Variants in SLC1A2 observed in about 807,000 individuals in gnomAD.
SLC1A2 encodes the protein solute carrier family 1 member 2.
A neutral mutation model predicts 48.8 loss-of-function variants in SLC1A2; 15 were observed. The observed-to-expected ratio is 0.31, with a 90% CI of 0.21 to 0.47. The LOEUF is 0.47. Ranked by LOEUF, SLC1A2 falls within the 20% of genes least tolerant of loss-of-function variation. The pLI, the probability that SLC1A2 is intolerant of heterozygous loss-of-function variation, is 0.99. For synonymous variants in SLC1A2, 279 were observed against 272.6 expected (o/e 1.02, Z -0.23); for missense variants, 502 against 730.5 (o/e 0.69, Z 3.61).
chr11:35,415,325 T>A (rs1178410785), intron 1 of SLC1A2, among the ~76,000 whole-genome samples: 1 of 152,232 alleles, frequency 6.6e-6, no homozygotes, highest in African/African-American at 2.4e-5. Flanking sequence ...TCATCTGGAT[T>A]TAGAAATTAT....
intron 1 of SLC1A2, among the ~76,000 whole-genome samples, chr11:35,372,887 G>A (rs574869749): frequency 6.7e-4 from 102 of 152,148 alleles, no homozygotes; most frequent in Non-Finnish European, 1.0e-3. Flanking sequence ...AGTTTGTGAG[G>A]TTGGTATTTT....
chr11:35,391,580 C>G (rs1182954997), intron 1 of SLC1A2: 2 of 152,362 alleles, frequency 1.3e-5, no homozygotes, highest in Admixed American at 1.3e-4. Context: ...GCAGGGAGAA[C>G]CAATCAGCCC....
intron 6 of SLC1A2, among the ~76,000 whole-genome samples, chr11:35,294,751 G>A (rs1851118814): frequency 1.3e-5 from 2 of 152,182 alleles, no homozygotes; most frequent in Admixed American, 1.3e-4. Context: ...GAGTCTCCTG[G>A]AGAATGCATT....
At chr11:35,418,847 C>G (rs41282922) in intron 1 of SLC1A2, 103 bp downstream of exon 1, 13,721 of 1,073,470 alleles carry the variant, frequency 0.013, 186 homozygotes, top group Admixed American at 0.048. Flanking sequence ...CCACCACCTC[C>G]GAGGCCCGCC....
chr11:35,340,606 C>T (rs1384338426), intron 1 of SLC1A2, among the ~76,000 whole-genome samples: 1 of 152,140 alleles, frequency 6.6e-6, no homozygotes, highest in Non-Finnish European at 1.5e-5. Context: ...GTTTCCTTGT[C>T]CATACAAAGG....
intron 8 of SLC1A2, 39 bp downstream of exon 8, chr11:35,286,718 G>T: frequency 1.3e-6 from 2 of 1,515,298 alleles, no homozygotes; most frequent in Non-Finnish European, 1.8e-6. Flanking sequence ...AGGGGAAACA[G>T]GGTAGAGGTT....
At chr11:35,261,040 G>A in intron 10 of SLC1A2, 75 bp from the exon 11 acceptor site, 2 of 1,035,552 alleles carry the variant, frequency 1.9e-6, no homozygotes, top group Non-Finnish European at 3.1e-6. Context: ...ATGTGGAGAA[G>A]CACCAAATCC....
intron 1 of SLC1A2, among the ~76,000 whole-genome samples, chr11:35,412,916 A>G (rs1855506529): frequency 6.6e-6 from 1 of 152,056 alleles, no homozygotes; most frequent in African/African-American, 2.4e-5. Flanking sequence ...CAATAATTAC[A>G]AAAGACCTCT....
chr11:35,374,964 A>G (rs7103668), intron 1 of SLC1A2, among the ~76,000 whole-genome samples: 38,186 of 152,106 alleles, frequency 0.25, 4,875 homozygotes, highest in Middle Eastern at 0.29. Context: ...GTGAAGCAAC[A>G]TATTGCTTAA....
intron 6 of SLC1A2, 110 bp downstream of exon 6, chr11:35,301,409 C>T (rs1258719452): frequency 4.4e-6 from 4 of 910,948 alleles, no homozygotes; most frequent in African/African-American, 1.7e-5. Context: ...TCTGGAAAGA[C>T]ATTTGATCAG....
At chr11:35,306,016 T>A in intron 5 of SLC1A2, 58 bp downstream of exon 5, 3 of 1,524,566 alleles carry the variant, frequency 2.0e-6, no homozygotes, top group South Asian at 2.3e-5. Flanking sequence ...GAAAAGGGAG[T>A]GCAGGATAGC....
intron 1 of SLC1A2, among the ~76,000 whole-genome samples, chr11:35,351,271 C>T (rs1853242657): frequency 6.6e-6 from 1 of 152,214 alleles, no homozygotes; most frequent in Non-Finnish European, 1.5e-5. Flanking sequence ...CGAGCCCATG[C>T]TCTTCTCTCT....
intron 1 of SLC1A2, among the ~76,000 whole-genome samples, chr11:35,332,840 C>T (rs1354954008): frequency 6.6e-6 from 1 of 152,198 alleles, no homozygotes; most frequent in Non-Finnish European, 1.5e-5. Flanking sequence ...GTCTGCAGCA[C>T]ACGCTACCTA....
intron 1 of SLC1A2, among the ~76,000 whole-genome samples, chr11:35,351,600 G>A (rs935381854): frequency 1.3e-5 from 2 of 152,184 alleles, no homozygotes; most frequent in Admixed American, 1.3e-4. Flanking sequence ...GAAAACTGCA[G>A]ATATACTCTG....
intron 1 of SLC1A2, among the ~76,000 whole-genome samples, chr11:35,374,709 A>T (rs1013674593): frequency 6.6e-6 from 1 of 152,006 alleles, no homozygotes; most frequent in Non-Finnish European, 1.5e-5. Context: ...GATTTTTTAA[A>T]TGTCCTGTGT....
At chr11:35,331,607 G>T (rs1482777583) in intron 1 of SLC1A2, among the ~76,000 whole-genome samples, 1 of 152,214 alleles carries the variant, frequency 6.6e-6, no homozygotes, top group African/African-American at 2.4e-5. Flanking sequence ...CTGGTTCACA[G>T]GGCTTTGTGC....
At chr11:35,317,654 C>T (rs766711634) in intron 1 of SLC1A2, 138 bp from the exon 2 acceptor site, 109 of 1,017,968 alleles carry the variant, frequency 1.1e-4, no homozygotes, top group Non-Finnish European at 1.6e-4. Context: ...AAGTGTGACT[C>T]AGGGTCACCT....
chr11:35,375,511 T>C (rs1854195058), intron 1 of SLC1A2, among the ~76,000 whole-genome samples: 1 of 152,170 alleles, frequency 6.6e-6, no homozygotes, highest in Non-Finnish European at 1.5e-5. Flanking sequence ...TTGCAGGATG[T>C]GGGTGGCTGG....
In SLC1A2 at chr11:35,363,774, A is replaced by C. The variant is rs564921347; in HGVS notation, c.18-46258T>G. On this transcript the variant is annotated intron_variant, in intron 1 of 10. Coordinates refer to ENST00000278379, the MANE Select transcript of SLC1A2 (RefSeq NM_004171.4). ...ACCTGAGCCAAAGAAAGAAGGAAGA[A>C]AATGATATCTGGGTGTAGTACTTGG... Among the ~76,000 whole-genome samples, 5 of 152,326 alleles carry C rather than the reference A, an allele frequency of 3.3e-5. No homozygotes were observed. In the South Asian group the frequency reaches 1.0e-3, roughly 32 times the overall value.
Sources: allele counts gnomAD v4.1 joint callset (sites outside exome capture counted in the v4.1 genomes callset), GRCh38; gene constraint gnomAD v4.1.1; transcripts MANE v1.5; gene names NCBI Gene and HGNC (gene_info 2026-07-23, HGNC 2026-07-21).